The following PTPRG variants were observed in gnomAD, a reference collection of about 807,000 sequenced individuals.
The protein encoded by PTPRG is protein tyrosine phosphatase receptor type G, also known as receptor-type tyrosine-protein phosphatase gamma.
PTPRG carries 102 observed loss-of-function variants against 165.3 expected under a neutral mutation model. That is an observed-to-expected ratio of 0.62 (90% confidence interval 0.53 to 0.73). The LOEUF is 0.73. Ranked by LOEUF, PTPRG falls within the 30% of genes least tolerant of loss-of-function variation. The pLI, the probability that PTPRG is intolerant of heterozygous loss-of-function variation, is 0.00. For missense variants in PTPRG, 1,866 were observed against 1,861.4 expected, an observed-to-expected ratio of 1.00 and a Z score of -0.05; for synonymous variants, 675 against 669.5, an observed-to-expected ratio of 1.01 and a Z score of -0.13.
intron 2 of PTPRG, among the ~76,000 whole-genome samples, chr3:61,869,514 G>A (rs935944108): frequency 1.3e-5 from 2 of 152,042 alleles, no homozygotes; most frequent in African/African-American, 4.8e-5. Context: ...ACATTCCAAA[G>A]TTGTCTGTGC....
intron 1 of PTPRG, among the ~76,000 whole-genome samples, chr3:61,730,021 G>T (rs2032428317): frequency 6.6e-6 from 1 of 152,206 alleles, no homozygotes; most frequent in Non-Finnish European, 1.5e-5. Flanking sequence ...CCATGAAAAT[G>T]ATAGTGCGTC....
At chr3:61,956,216 A>G (rs1478098997) in intron 2 of PTPRG, among the ~76,000 whole-genome samples, 1 of 151,906 alleles carries the variant, frequency 6.6e-6, no homozygotes, top group Admixed American at 6.6e-5. Flanking sequence ...CATTCCGTTA[A>G]TTACTTGTGT....
At chr3:61,597,654 T>G (rs1388952091) in intron 1 of PTPRG, among the ~76,000 whole-genome samples, 1 of 150,706 alleles carries the variant, frequency 6.6e-6, no homozygotes, top group Non-Finnish European at 1.5e-5. Context: ...GGATTTCCTG[T>G]GTGTTGTGGG....
chr3:61,729,389 G>A (rs1198978005), intron 1 of PTPRG, among the ~76,000 whole-genome samples: 4 of 152,124 alleles, frequency 2.6e-5, no homozygotes, highest in South Asian at 2.1e-4. Flanking sequence ...TTTAAAAACC[G>A]CTATATTTTT....
rs183616312 is a variant in PTPRG, at chr3:62,006,573, G to T, written c.519+3076G>T. On this transcript the variant is annotated intron_variant, in intron 4 of 29. Transcript: ENST00000474889. ...ATGGAGCAATTTATCAGCATTGGGG[G>T]CATTAATTATTTGTCTTGCATGCAG... 6.6e-5 allele frequency among the ~76,000 whole-genome samples: 10 copies of T among 152,110 alleles called. 1 individual carries two copies. The highest frequency in any genetic ancestry group is 1.3e-4 in the Non-Finnish European group (9 of 68,024).
At chr3:62,173,843 T>G (rs1705314355) in intron 8 of PTPRG, among the ~76,000 whole-genome samples, 1 of 152,086 alleles carries the variant, frequency 6.6e-6, no homozygotes, top group East Asian at 1.9e-4. Context: ...CGTCCTGGAA[T>G]AGAGAATACA....
intron 28 of PTPRG, among the ~76,000 whole-genome samples, chr3:62,286,793 T>C (rs1340759592): frequency 6.6e-6 from 1 of 152,174 alleles, no homozygotes; most frequent in African/African-American, 2.4e-5. Context: ...AGATTACTTA[T>C]ACCACTTTTG....
At chr3:61,646,780 T>C (rs1233853390) in intron 1 of PTPRG, among the ~76,000 whole-genome samples, 1 of 152,232 alleles carries the variant, frequency 6.6e-6, no homozygotes. Context: ...AGATCTCATA[T>C]GCTACCCCTT....
intron 10 of PTPRG, 91 bp from the exon 11 acceptor site, chr3:62,201,414 A>G (rs1576127510): frequency 9.8e-7 from 1 of 1,017,272 alleles, no homozygotes; most frequent in East Asian, 2.6e-5. Context: ...TGTGAAAATT[A>G]TATGTAATTC....
Position 62,293,228 on chromosome 3 carries a change from C to T in PTPRG, c.4259C>T (p.Pro1420Leu), listed in dbSNP as rs1316357445. The T allele has an allele frequency of 3.7e-6, 6 of 1,611,482 alleles. No homozygotes were observed. In the East Asian group the frequency reaches 6.7e-5, roughly 18 times the overall value. ...LVSTKENGNGPMTVDKNGAVL... is the reference protein window; with the variant it reads ...LVSTKENGNGLMTVDKNGAVL... ...AGCACTAAAGAAAATGGAAATGGTC[C>T]CATGACAGTAGACAAAAATGGTGCT... The change falls in exon 30 of 30, where the codon CCC (proline) becomes CTC (leucine). Residue 1420 changes from proline (P) to leucine (L), a missense_variant. By Grantham distance (98) the Pro-to-Leu change is moderately conservative. Coordinates refer to ENST00000474889, the MANE Select transcript of PTPRG (RefSeq NM_002841.4).
intron 1 of PTPRG, among the ~76,000 whole-genome samples, chr3:61,642,442 A>G (rs570654971): frequency 6.6e-6 from 1 of 152,232 alleles, no homozygotes; most frequent in African/African-American, 2.4e-5. Flanking sequence ...TCCTCAGATA[A>G]TTCTGGGAAA....
chr3:61,838,078 C>T (rs565002533), intron 2 of PTPRG, among the ~76,000 whole-genome samples: 1 of 152,136 alleles, frequency 6.6e-6, no homozygotes, highest in African/African-American at 2.4e-5. Context: ...GCAGGGGAGG[C>T]ACAATTAAGT....
At chr3:61,916,583 A>G (rs1046321736) in intron 2 of PTPRG, among the ~76,000 whole-genome samples, 1 of 152,218 alleles carries the variant, frequency 6.6e-6, no homozygotes, top group African/African-American at 2.4e-5. Flanking sequence ...ATGGAGTTTC[A>G]TAGATGCCTA....
At chr3:61,942,156 TAAAAAAA>T (rs72243584) in intron 2 of PTPRG, among the ~76,000 whole-genome samples, 1,825 of 128,628 alleles carry the variant, frequency 0.014, 32 homozygotes, top group African/African-American at 0.048. Flanking sequence ...AGACTCTGTC[TAAAAAAA>T]AAAAAAAAAA....
At chr3:61,603,104 C>G (rs749639606) in intron 1 of PTPRG, among the ~76,000 whole-genome samples, 5 of 152,168 alleles carry the variant, frequency 3.3e-5, no homozygotes, top group Non-Finnish European at 7.3e-5. Flanking sequence ...CCATGGAAAT[C>G]AGCAAACACT....
At chr3:61,709,288 T>C (rs983944978) in intron 1 of PTPRG, among the ~76,000 whole-genome samples, 1 of 152,224 alleles carries the variant, frequency 6.6e-6, no homozygotes, top group Non-Finnish European at 1.5e-5. Flanking sequence ...TTCATATTTT[T>C]AAACAGTTGC....
At chr3:62,270,950 G>A (rs1702040127) in intron 20 of PTPRG, among the ~76,000 whole-genome samples, 1 of 152,092 alleles carries the variant, frequency 6.6e-6, no homozygotes, top group South Asian at 2.1e-4. Context: ...GTTTACAGCA[G>A]CAACAAGCAC....
chr3:61,645,490 T>C (rs945197663), intron 1 of PTPRG, among the ~76,000 whole-genome samples: 1 of 152,252 alleles, frequency 6.6e-6, no homozygotes, highest in African/African-American at 2.4e-5. Flanking sequence ...ACTTTGGATT[T>C]ACTGCTAGTT....
chr3:61,908,082 C>T (rs1207268412), intron 2 of PTPRG, among the ~76,000 whole-genome samples: 2 of 141,114 alleles, frequency 1.4e-5, no homozygotes, highest in East Asian at 2.1e-4. Context: ...GATTGTGCCA[C>T]TGCTCCAGCC....
Sources: allele counts gnomAD v4.1 joint callset (sites outside exome capture counted in the v4.1 genomes callset), GRCh38; gene constraint gnomAD v4.1.1; transcripts MANE v1.5; gene names NCBI Gene and HGNC (gene_info 2026-07-23, HGNC 2026-07-21).